MMP26: variants seen among roughly 807,000 people sequenced by gnomAD.
MMP26 encodes the protein matrix metalloproteinase-26.
A neutral mutation model predicts 31.0 loss-of-function variants in MMP26; 33 were observed. That is an observed-to-expected ratio of 1.06 (90% CI 0.81 to 1.42). MMP26 has a LOEUF of 1.42. MMP26 is among the 40% of genes most tolerant of loss of function. MMP26 has a pLI of 0.00. For synonymous variants in MMP26, 122 were observed against 114.9 expected (o/e 1.06, Z -0.40); for missense variants, 347 against 316.1 (o/e 1.10, Z -0.74).
At chr11:4,857,108 C>T (rs1372249957) in intron 2 of MMP26, among the ~76,000 whole-genome samples, 1 of 151,974 alleles carries the variant, frequency 6.6e-6, no homozygotes, top group East Asian at 1.9e-4. Flanking sequence ...TAAATGCCCA[C>T]AAGAGAAAGC....
At chr11:4,988,436 C>A in intron 3 of MMP26, 126 bp downstream of exon 3, 1 of 766,622 alleles carries the variant, frequency 1.3e-6, no homozygotes, top group Middle Eastern at 2.3e-4. Flanking sequence ...CACATGAAAA[C>A]ATTTTATTCT....
At chr11:4,875,448 C>G (rs1339122247) in intron 2 of MMP26, 1 of 152,030 alleles carries the variant, frequency 6.6e-6, no homozygotes, top group Non-Finnish European at 1.5e-5. Context: ...TCTCACTGGG[C>G]TAAAACCAAG....
intron 1 of MMP26, among the ~76,000 whole-genome samples, chr11:4,716,232 C>T (rs761092637): frequency 5.3e-5 from 8 of 152,166 alleles, no homozygotes; most frequent in Admixed American, 3.9e-4. Flanking sequence ...TAATTTCAAC[C>T]GTGCGAGATC....
rs1849916477 is a variant in MMP26 at position 4,848,556 on chromosome 11, G to A, written c.-145+81215G>A. On this transcript the variant is annotated intron_variant, in intron 2 of 7. Transcript: ENST00000380390. ...GCCATAGGAGAAGAAAATAAGCAGG[G>A]GGTCCAAACCCATGGCTGAAAGAAC... 6.2e-7 allele frequency: 1 copy of A among 1,611,712 alleles called. No individual in the cohort carries two copies.
Position 4,804,460 on chromosome 11 carries a change from T to TA in MMP26, c.-145+37120dup, listed in dbSNP as rs774125836. ...ACAATCAAAACAAGTGTTATTATTA[T>TA]ATACAAGGCTTTTGGATGGGACTAT... is the stretch of plus-strand genomic sequence containing the variant. On this transcript the variant is annotated intron_variant, in intron 2 of 7. Coordinates refer to ENST00000380390, the MANE Select transcript of MMP26 (RefSeq NM_021801.5). The TA allele has an allele frequency of 2.1e-5, 24 of 1,117,486 alleles. No homozygotes were observed. In the South Asian group the frequency reaches 2.9e-4, roughly 13 times the overall value. 69.2% of individuals were successfully genotyped at this position (1,117,486 alleles called of 1,614,324 possible).
At chr11:4,801,596 C>G (rs2412429) in intron 2 of MMP26, among the ~76,000 whole-genome samples, 55,104 of 150,406 alleles carry the variant, frequency 0.37, 11,162 homozygotes, top group African/African-American at 0.51. Flanking sequence ...ATGCTGGAGT[C>G]CAATGGCATG....
chr11:4,957,466 G>A (rs1295811632), intron 2 of MMP26, among the ~76,000 whole-genome samples: 1 of 151,850 alleles, frequency 6.6e-6, no homozygotes, highest in Non-Finnish European at 1.5e-5. Flanking sequence ...TCTTGTAATT[G>A]GGCAGCATAG....
intron 2 of MMP26, among the ~76,000 whole-genome samples, chr11:4,983,746 G>T (rs1329527644): frequency 6.6e-6 from 1 of 152,146 alleles, no homozygotes; most frequent in Non-Finnish European, 1.5e-5. Flanking sequence ...CAGGTCTTTT[G>T]TTCCTTACAT....
chr11:4,713,101 G>A (rs1474302039), intron 1 of MMP26, among the ~76,000 whole-genome samples: 2 of 151,954 alleles, frequency 1.3e-5, no homozygotes, highest in Admixed American at 1.3e-4. Flanking sequence ...AAAATGTGAT[G>A]TTTGTACCAT....
rs1226990207 is a variant in MMP26 at position 4,947,932 on chromosome 11, G to A, written c.-144-40136G>A. The stretch of plus-strand genomic sequence containing the variant: ...TGGATAGTTGGCTTGTGTATTACTC[G>A]TCTGCACAAGGCCAAGTCTAAGCAG... On this transcript the variant is annotated intron_variant, in intron 2 of 7. Coordinates refer to ENST00000380390, the MANE Select transcript of MMP26 (RefSeq NM_021801.5). 2.4e-5 allele frequency among the ~76,000 whole-genome samples: 3 copies of A among 124,636 alleles called. 1 individual carries two copies. Among genetic ancestry groups the A allele is most frequent in the African/African-American group, 8.2e-5 (3 of 36,610 alleles). 81.8% of individuals were successfully genotyped at this position (124,636 alleles called of 152,430 possible).
chr11:4,722,119 A>G (rs554206075), intron 1 of MMP26, among the ~76,000 whole-genome samples: 5 of 152,350 alleles, frequency 3.3e-5, no homozygotes, highest in African/African-American at 1.2e-4. Flanking sequence ...TACTTCTTGC[A>G]TAGCCTGCAA....
chr11:4,771,446 T>G (rs974413943), intron 2 of MMP26, among the ~76,000 whole-genome samples: 5 of 152,154 alleles, frequency 3.3e-5, no homozygotes, highest in African/African-American at 1.2e-4. Context: ...GCTGCTGGCT[T>G]CCGGATACAG....
At chr11:4,839,004 C>A (rs1030809200) in intron 2 of MMP26, among the ~76,000 whole-genome samples, 3 of 152,118 alleles carry the variant, frequency 2.0e-5, no homozygotes, top group African/African-American at 7.2e-5. Context: ...GAGGGGAGAG[C>A]AGACACACTG....
chr11:4,887,202 CTAT>C (rs1850557005), intron 2 of MMP26, among the ~76,000 whole-genome samples: 1 of 151,882 alleles, frequency 6.6e-6, no homozygotes, highest in Non-Finnish European at 1.5e-5. Flanking sequence ...ATAAATCTCA[CTAT>C]TATATTAAGC....
intron 2 of MMP26, among the ~76,000 whole-genome samples, chr11:4,969,035 A>G (rs761976544): frequency 6.6e-6 from 1 of 152,006 alleles, no homozygotes; most frequent in Non-Finnish European, 1.5e-5. Flanking sequence ...CTTATTATTT[A>G]AGTAGTTTTG....
chr11:4,783,175 C>T (rs1434535615), intron 2 of MMP26, among the ~76,000 whole-genome samples: 1 of 152,212 alleles, frequency 6.6e-6, no homozygotes, highest in Non-Finnish European at 1.5e-5. Context: ...AAAAGCTGCA[C>T]TCAACACCAG....
chr11:4,825,628 A>G (rs1383866150), intron 2 of MMP26, among the ~76,000 whole-genome samples: 1 of 152,176 alleles, frequency 6.6e-6, no homozygotes, highest in Admixed American at 6.6e-5. Flanking sequence ...ATCCATAGTT[A>G]CTATATAAAC....
chr11:4,803,403 G>T, intron 2 of MMP26: 1 of 1,398,876 alleles, frequency 7.1e-7, no homozygotes, highest in Non-Finnish European at 9.9e-7. Context: ...GTGGGGCAAT[G>T]TAAGTGATGG....
chr11:4,780,836 T>C (rs894290239), intron 2 of MMP26, among the ~76,000 whole-genome samples: 1 of 151,358 alleles, frequency 6.6e-6, no homozygotes, highest in African/African-American at 2.4e-5. Context: ...TATATAAACA[T>C]ATATTGATAA....
Sources: gnomAD v4.1 joint callset for allele counts (sites outside exome capture counted in the v4.1 genomes callset) on GRCh38, gnomAD v4.1.1 for gene constraint, MANE v1.5 for transcripts, NCBI Gene and HGNC (gene_info 2026-07-23, HGNC 2026-07-21) for gene names.